The following CYP39A1 variants were observed in gnomAD, a reference collection of about 807,000 sequenced individuals.
CYP39A1 encodes cytochrome P450 family 39 subfamily A member 1, also known as 24-hydroxycholesterol 7-alpha-hydroxylase.
Under a neutral mutation model 58.1 loss-of-function variants are expected in CYP39A1, and 49 were observed. The observed-to-expected ratio is 0.84, with a 90% confidence interval of 0.67 to 1.07. CYP39A1 has a LOEUF of 1.07. Among genes scored for constraint, CYP39A1 ranks in the 50% least tolerant of loss-of-function variants. CYP39A1 has a pLI of 0.00. For missense variants in CYP39A1, 531 were observed against 539.4 expected (o/e 0.98, Z 0.16); for synonymous variants, 209 against 187.6 (o/e 1.11, Z -0.93).
At chr6:46,636,336 C>A in intron 5 of CYP39A1, 53 bp downstream of exon 5, 2 of 1,338,500 alleles carry the variant, frequency 1.5e-6, no homozygotes, top group Non-Finnish European at 2.1e-6. Flanking sequence ...ATTTTAACAA[C>A]AATAATTTAT....
At chr6:46,622,612 A>G (rs1156455929) in intron 7 of CYP39A1, among the ~76,000 whole-genome samples, 1 of 152,136 alleles carries the variant, frequency 6.6e-6, no homozygotes, top group Non-Finnish European at 1.5e-5. Context: ...TGTTGCTAAA[A>G]AGTAAATTAA....
In CYP39A1 at chr6:46,607,162, G is replaced by A. The variant is rs756628170; in HGVS notation, c.932-11042C>T. Among the ~76,000 whole-genome samples, 9 of 151,914 alleles carry A rather than the reference G, an allele frequency of 5.9e-5. No homozygotes were observed. The South Asian group carries it at 1.5e-3, about 25-fold the overall frequency. ...GACAAGAAGGGAATGAGAAACACAC[G>A]GCCACTGCCTTAAAGGATCCTGGAA... On this transcript the variant is annotated intron_variant, in intron 7 of 11. Transcript: ENST00000275016.
At chr6:46,591,284 A>C (rs1359739930) in intron 8 of CYP39A1, among the ~76,000 whole-genome samples, 1 of 151,882 alleles carries the variant, frequency 6.6e-6, no homozygotes, top group African/African-American at 2.4e-5. Flanking sequence ...CCTATGTGAC[A>C]CTCATTCTTA....
intron 8 of CYP39A1, among the ~76,000 whole-genome samples, chr6:46,591,626 A>G (rs1772842268): frequency 6.6e-6 from 1 of 152,158 alleles, no homozygotes; most frequent in Admixed American, 6.6e-5. Flanking sequence ...TAATATTGAT[A>G]GATTTAAAAT....
intron 7 of CYP39A1, among the ~76,000 whole-genome samples, chr6:46,612,907 G>T (rs1319044779): frequency 6.6e-6 from 1 of 152,174 alleles, no homozygotes; most frequent in Non-Finnish European, 1.5e-5. Context: ...AAGGGACTCA[G>T]GTCTACAATA....
intron 10 of CYP39A1, among the ~76,000 whole-genome samples, chr6:46,563,297 G>T (rs956362043): frequency 6.6e-6 from 1 of 152,136 alleles, no homozygotes; most frequent in Non-Finnish European, 1.5e-5. Context: ...GCTAAGCTAT[G>T]TTCAGGTAAG....
chr6:46,565,102 G>A (rs970423866), intron 10 of CYP39A1, among the ~76,000 whole-genome samples: 4 of 152,108 alleles, frequency 2.6e-5, no homozygotes, highest in Admixed American at 6.6e-5. Flanking sequence ...TTTCTGAGTC[G>A]GGAGATCTGG....
chr6:46,625,408 G>T lies in CYP39A1; in HGVS notation c.931+10C>A. The T allele has an allele frequency of 6.3e-7, 1 of 1,590,150 alleles. No homozygotes were observed. Among genetic ancestry groups the T allele is most frequent in the Non-Finnish European group, 8.6e-7 (1 of 1,163,794 alleles). Reference sequence around the variant, plus strand: ...TTAGCTGTGTCTTCCTATATAATAAGGTTTAGTACCTGCTTTGCCAAACAC... The same window carrying T: ...TTAGCTGTGTCTTCCTATATAATAATGTTTAGTACCTGCTTTGCCAAACAC... On this transcript the variant is annotated intron_variant, in intron 7 of 11. Coordinates refer to ENST00000275016, the MANE Select transcript of CYP39A1 (RefSeq NM_016593.5).
chr6:46,635,607 A>T (rs1336575948), intron 5 of CYP39A1, among the ~76,000 whole-genome samples: 2 of 152,172 alleles, frequency 1.3e-5, no homozygotes, highest in Middle Eastern at 3.2e-3. Context: ...GCTGGAGTGC[A>T]GGGGCACAAT....
chr6:46,632,315 G>T (rs1775712103), intron 5 of CYP39A1, among the ~76,000 whole-genome samples: 1 of 152,192 alleles, frequency 6.6e-6, no homozygotes, highest in African/African-American at 2.4e-5. Flanking sequence ...GTGCTAGATA[G>T]GTGTTCCTGT....
intron 1 of CYP39A1, 25 bp downstream of exon 1, chr6:46,652,381 G>T: frequency 1.3e-6 from 2 of 1,591,160 alleles, no homozygotes; most frequent in East Asian, 2.3e-5. Context: ...CTCCTCTGGA[G>T]ACCCCGTCTG....
intron 2 of CYP39A1, among the ~76,000 whole-genome samples, chr6:46,641,250 A>G (rs919511382): frequency 6.6e-6 from 1 of 152,158 alleles, no homozygotes; most frequent in African/African-American, 2.4e-5. Flanking sequence ...CCTTCAAAAT[A>G]TTTATATTAT....
chr6:46,571,678 A>G (rs557023818), intron 10 of CYP39A1, among the ~76,000 whole-genome samples: 3 of 151,570 alleles, frequency 2.0e-5, no homozygotes, highest in East Asian at 1.9e-4. Flanking sequence ...TTTTTTACCA[A>G]TTCAGTTATT....
chr6:46,553,933 T>TA, intron 10 of CYP39A1, 79 bp from the exon 11 acceptor site: 1 of 916,828 alleles, frequency 1.1e-6, no homozygotes, highest in Non-Finnish European at 1.7e-6. Flanking sequence ...CTAGAAAGCA[T>TA]ACATATTTCA....
rs575909570 is a variant in CYP39A1 at position 46,586,560 on chromosome 6, T to C, written c.1250+517A>G. The C allele has an allele frequency of 6.1e-5, 60 of 985,916 alleles. No homozygotes were observed. The South Asian group carries it at 2.5e-3, about 42-fold the overall frequency. 61.1% of individuals were successfully genotyped at this position (985,916 alleles called of 1,614,324 possible). A position where few individuals can be genotyped will look rare whatever the true frequency, so the allele number is the denominator to read the frequency against. On this transcript the variant is annotated intron_variant, in intron 10 of 11. Transcript: ENST00000275016. ...TGGACACTTGCATTAGAACAGGGTA[T>C]CACACTGAGGAGGAGGGCTGGGTGC...
chr6:46,560,195 G>C (rs957246075), intron 10 of CYP39A1, among the ~76,000 whole-genome samples: 2 of 152,122 alleles, frequency 1.3e-5, no homozygotes, highest in Admixed American at 1.3e-4. Flanking sequence ...GGAAGCTACT[G>C]GACAGTTTTG....
At chr6:46,587,050 T>C (rs776437643) in intron 10 of CYP39A1, 27 bp downstream of exon 10, 1 of 1,555,626 alleles carries the variant, frequency 6.4e-7, no homozygotes, top group South Asian at 1.1e-5. Flanking sequence ...ACTTTCTGGA[T>C]AAATGTGGCC....
At chr6:46,641,333 T>C (rs760502399) in intron 2 of CYP39A1, among the ~76,000 whole-genome samples, 2 of 152,128 alleles carry the variant, frequency 1.3e-5, no homozygotes, top group African/African-American at 2.4e-5. Flanking sequence ...CAGGTTGTGA[T>C]GATCATGCAT....
intron 7 of CYP39A1, among the ~76,000 whole-genome samples, chr6:46,600,126 C>A (rs200798119): frequency 7.1e-6 from 1 of 141,194 alleles, no homozygotes; most frequent in African/African-American, 2.7e-5. Context: ...CTTTTCTTTT[C>A]TTTTTTCTTT....
Sources: allele counts gnomAD v4.1 joint callset (sites outside exome capture counted in the v4.1 genomes callset), GRCh38; gene constraint gnomAD v4.1.1; transcripts MANE v1.5; gene names NCBI Gene and HGNC (gene_info 2026-07-23, HGNC 2026-07-21).